The following ARHGAP26 variants were observed in gnomAD, a reference collection of about 807,000 sequenced individuals.
ARHGAP26 encodes rho GTPase-activating protein 26.
ARHGAP26 carries 38 observed loss-of-function variants against 104.8 expected under a neutral mutation model. The observed-to-expected ratio is 0.36, with a 90% CI of 0.28 to 0.48. The LOEUF (loss-of-function observed/expected upper bound fraction) is 0.48. ARHGAP26 is among the 20% of genes least tolerant of loss of function. The pLI is 0.99. For missense variants in ARHGAP26, 704 were observed against 947.9 expected, an observed-to-expected ratio of 0.74 and a Z score of 3.38; for synonymous variants, 341 against 340.0, an observed-to-expected ratio of 1.00 and a Z score of -0.03.
At chr5:143,161,344 C>G (rs1342580290) in intron 20 of ARHGAP26, among the ~76,000 whole-genome samples, 4 of 152,104 alleles carry the variant, frequency 2.6e-5, no homozygotes, top group African/African-American at 9.7e-5. Flanking sequence ...GGAGCCCTAA[C>G]TTAAGAAACC....
At chr5:143,030,092 G>A (rs1002939598) in intron 12 of ARHGAP26, among the ~76,000 whole-genome samples, 2 of 152,222 alleles carry the variant, frequency 1.3e-5, no homozygotes, top group East Asian at 3.9e-4. Flanking sequence ...CAAATTGGGC[G>A]ATTTGGCCAC....
At chr5:142,835,273 G>A (rs1330825218) in intron 1 of ARHGAP26, among the ~76,000 whole-genome samples, 1 of 152,190 alleles carries the variant, frequency 6.6e-6, no homozygotes, top group African/African-American at 2.4e-5. Flanking sequence ...GTTCTTCAAA[G>A]CACATTTGTA....
chr5:142,863,383 A>G (rs1197240265), intron 1 of ARHGAP26, among the ~76,000 whole-genome samples: 1 of 152,196 alleles, frequency 6.6e-6, no homozygotes, highest in Non-Finnish European at 1.5e-5. Flanking sequence ...CTGGGATTAC[A>G]GGCGTGAGCC....
intron 1 of ARHGAP26, among the ~76,000 whole-genome samples, chr5:142,850,916 G>A (rs1047134192): frequency 2.0e-5 from 3 of 152,208 alleles, no homozygotes; most frequent in African/African-American, 7.2e-5. Context: ...CAAATGTCTA[G>A]CATTAGAGTG....
intron 19 of ARHGAP26, among the ~76,000 whole-genome samples, chr5:143,142,002 G>T (rs780417572): frequency 3.0e-4 from 46 of 152,134 alleles, no homozygotes; most frequent in Non-Finnish European, 5.6e-4. Context: ...GGTTATTACA[G>T]GTGCTGCAGG....
At chr5:143,043,500 A>G (rs543553965) in intron 14 of ARHGAP26, among the ~76,000 whole-genome samples, 1 of 152,334 alleles carries the variant, frequency 6.6e-6, no homozygotes, top group African/African-American at 2.4e-5. Context: ...TAAAGCTTCT[A>G]TAAATTTTCA....
chr5:142,848,050 T>C (rs1772376489), intron 1 of ARHGAP26, among the ~76,000 whole-genome samples: 3 of 152,170 alleles, frequency 2.0e-5, no homozygotes, highest in Admixed American at 1.3e-4. Flanking sequence ...TTCAATCCAA[T>C]TGAATGGCAG....
intron 17 of ARHGAP26, among the ~76,000 whole-genome samples, chr5:143,080,386 G>A (rs1010319012): frequency 1.3e-5 from 2 of 152,192 alleles, no homozygotes; most frequent in African/African-American, 4.8e-5. Flanking sequence ...ATTTCAGGTG[G>A]TGGTAAGTGC....
At chr5:143,163,137 T>C (rs1179596344) in intron 20 of ARHGAP26, among the ~76,000 whole-genome samples, 1 of 151,578 alleles carries the variant, frequency 6.6e-6, no homozygotes, top group Non-Finnish European at 1.5e-5. Context: ...AAAAAGACAC[T>C]ATTCGAGGCA....
intron 20 of ARHGAP26, among the ~76,000 whole-genome samples, chr5:143,157,548 G>A (rs1033716735): frequency 1.1e-4 from 16 of 152,222 alleles, no homozygotes; most frequent in Non-Finnish European, 2.1e-4. Flanking sequence ...CATCTCTTAC[G>A]CTACATTTCC....
chr5:142,958,768 C>G (rs37208), intron 11 of ARHGAP26, among the ~76,000 whole-genome samples: 8,968 of 151,822 alleles, frequency 0.059, 418 homozygotes, highest in East Asian at 0.27. Context: ...AAATGAGTGT[C>G]ATTAGCAAAT....
chr5:143,134,166 G>GAGAT, intron 19 of ARHGAP26, 61 bp downstream of exon 19: 2 of 1,506,390 alleles, frequency 1.3e-6, no homozygotes, highest in Non-Finnish European at 8.9e-7. Context: ...TACCTGCACG[G>GAGAT]CTCAGGGTGG....
At chr5:142,839,949 T>G (rs1243935741) in intron 1 of ARHGAP26, among the ~76,000 whole-genome samples, 1 of 151,520 alleles carries the variant, frequency 6.6e-6, no homozygotes, top group Non-Finnish European at 1.5e-5. Context: ...CCTCTGGAGT[T>G]ATGCGTATTA....
chr5:142,972,180 TAAA>T (rs55877614), intron 11 of ARHGAP26, among the ~76,000 whole-genome samples: 5 of 142,510 alleles, frequency 3.5e-5, no homozygotes, highest in African/African-American at 5.1e-5. Context: ...AGATTCCATC[TAAA>T]AAAAAAAAAA....
At position 143,083,086 on chromosome 5, in the gene ARHGAP26, A is replaced by G. The variant is rs146732241; in HGVS notation, c.1538+25339A>G. 6.0e-3 allele frequency among the ~76,000 whole-genome samples: 915 copies of G among 152,304 alleles called. 18 individuals carry two copies. In the East Asian group the frequency reaches 0.078, roughly 13 times the overall value. ...AATACAGCAGTCGAAGGCAGTCTCT[A>G]TGTATCTTGGGGAAGCTAGAGCTGG... On this transcript the variant is annotated intron_variant, in intron 17 of 22. Transcript: ENST00000645722.
intron 12 of ARHGAP26, among the ~76,000 whole-genome samples, chr5:143,029,839 C>G (rs1353867305): frequency 2.0e-5 from 3 of 152,080 alleles, no homozygotes; most frequent in African/African-American, 7.2e-5. Flanking sequence ...GGAAAAAATT[C>G]AGACTAGGAA....
chr5:142,806,841 T>C (rs1351697764), intron 1 of ARHGAP26, among the ~76,000 whole-genome samples: 1 of 152,210 alleles, frequency 6.6e-6, no homozygotes, highest in Admixed American at 6.5e-5. Context: ...TTACGCATAT[T>C]TGGAACTAAC....
intron 6 of ARHGAP26, among the ~76,000 whole-genome samples, chr5:142,897,599 A>C (rs1236230529): frequency 6.6e-6 from 1 of 152,258 alleles, no homozygotes; most frequent in African/African-American, 2.4e-5. Flanking sequence ...CCCGTGATTC[A>C]GCTGCACATT....
intron 17 of ARHGAP26, among the ~76,000 whole-genome samples, chr5:143,097,463 AAG>A (rs780304908): frequency 1.7e-4 from 26 of 152,130 alleles, no homozygotes; most frequent in Non-Finnish European, 3.1e-4. Flanking sequence ...AATTCTATAG[AAG>A]TCGTCATTTA....
Sources: allele counts gnomAD v4.1 joint callset (sites outside exome capture counted in the v4.1 genomes callset), GRCh38; gene constraint gnomAD v4.1.1; transcripts MANE v1.5; gene names NCBI Gene and HGNC (gene_info 2026-07-23, HGNC 2026-07-21).